SPAG16: variants seen among roughly 807,000 people sequenced by gnomAD.
SPAG16 encodes the protein sperm associated antigen 16.
A neutral mutation model predicts 80.4 loss-of-function variants in SPAG16; 86 were observed. The ratio of observed to expected loss-of-function variants is 1.07; its 90% CI spans 0.90 to 1.28. The LOEUF (loss-of-function observed/expected upper bound fraction) is 1.28, where lower values mean the gene tolerates loss of function less well. Among genes scored for constraint, SPAG16 ranks in the 50% most tolerant of loss-of-function variants. The pLI, the probability that SPAG16 is intolerant of heterozygous loss-of-function variation, is 0.00. For missense variants in SPAG16, 870 were observed against 765.3 expected, an observed-to-expected ratio of 1.14 and a Z score of -1.61; for synonymous variants, 294 against 265.9, an observed-to-expected ratio of 1.11 and a Z score of -1.03.
intron 15 of SPAG16, among the ~76,000 whole-genome samples, chr2:214,192,328 A>G (rs2057691644): frequency 6.6e-6 from 1 of 152,110 alleles, no homozygotes; most frequent in African/African-American, 2.4e-5. Flanking sequence ...CCTTAAGAAA[A>G]TAGTGCCTGT....
chr2:214,133,397 G>A (rs1025823279), intron 14 of SPAG16, among the ~76,000 whole-genome samples: 4 of 152,080 alleles, frequency 2.6e-5, no homozygotes, highest in African/African-American at 9.7e-5. Flanking sequence ...TGGGTGTGGT[G>A]GCTTACGCCT....
chr2:214,280,827 G>T, intron 15 of SPAG16: 1 of 446,328 alleles, frequency 2.2e-6, no homozygotes. Context: ...CATGTCTAGA[G>T]TTATGCCGTT....
intron 15 of SPAG16, among the ~76,000 whole-genome samples, chr2:214,175,196 AAT>A (rs201731862): frequency 5.0e-5 from 7 of 139,902 alleles, no homozygotes; most frequent in Non-Finnish European, 9.4e-5. Context: ...GGAATAAAGA[AAT>A]ATATATATAT....
chr2:213,601,212 A>G (rs1381458666), intron 10 of SPAG16, among the ~76,000 whole-genome samples: 1 of 151,768 alleles, frequency 6.6e-6, no homozygotes, highest in Non-Finnish European at 1.5e-5. Flanking sequence ...ATGAAAACTC[A>G]GGGAAGGGAC....
Position 214,101,162 on chromosome 2 carries a change from T to C in SPAG16, c.1528-7034T>C, listed in dbSNP as rs552146680. ...AGTATTACTTAATTTTTTTTTCAAA[T>C]TTTCACATGACACTATTGACACTAA... is the stretch of plus-strand genomic sequence containing the variant. On this transcript the variant is annotated intron_variant, in intron 13 of 15. Coordinates refer to ENST00000331683, the MANE Select transcript of SPAG16 (RefSeq NM_024532.5). Among the ~76,000 whole-genome samples, 4 of 152,216 alleles carry C rather than the reference T, an allele frequency of 2.6e-5. No individual in the cohort carries two copies. In the South Asian group the frequency reaches 6.2e-4, roughly 24 times the overall value.
intron 11 of SPAG16, among the ~76,000 whole-genome samples, chr2:213,872,361 A>T (rs1251857723): frequency 6.6e-6 from 1 of 152,150 alleles, no homozygotes; most frequent in Non-Finnish European, 1.5e-5. Context: ...AGTTTGTGGT[A>T]ATTTGTCACA....
At chr2:213,655,321 T>G (rs1307223395) in intron 10 of SPAG16, among the ~76,000 whole-genome samples, 1 of 152,196 alleles carries the variant, frequency 6.6e-6, no homozygotes, top group African/African-American at 2.4e-5. Context: ...AAAAAACTCT[T>G]TGAGCTGGAT....
chr2:213,851,198 A>G (rs2074887136), intron 10 of SPAG16, among the ~76,000 whole-genome samples: 1 of 152,204 alleles, frequency 6.6e-6, no homozygotes, highest in South Asian at 2.1e-4. Flanking sequence ...CGATGTTTAA[A>G]AAGATTTGGG....
intron 10 of SPAG16, among the ~76,000 whole-genome samples, chr2:213,518,309 C>T (rs1477036043): frequency 1.3e-5 from 2 of 152,202 alleles, no homozygotes; most frequent in Non-Finnish European, 2.9e-5. Context: ...CTCTGTTACC[C>T]ATGCTGGAGT....
chr2:214,168,439 A>G (rs990872967), intron 15 of SPAG16, among the ~76,000 whole-genome samples: 2 of 152,252 alleles, frequency 1.3e-5, no homozygotes, highest in African/African-American at 4.8e-5. Context: ...GTTTACACAG[A>G]GAAGCAGAAA....
At chr2:214,114,793 T>C (rs1202376527) in intron 14 of SPAG16, among the ~76,000 whole-genome samples, 1 of 152,140 alleles carries the variant, frequency 6.6e-6, no homozygotes, top group African/African-American at 2.4e-5. Context: ...CTGCTTCGGG[T>C]GGCCCTCTGT....
intron 6 of SPAG16, among the ~76,000 whole-genome samples, chr2:213,342,329 GTATATATATATTACATATATGTA>G (rs200846626): frequency 0.33 from 20,621 of 62,998 alleles, 2,212 homozygotes; most frequent in East Asian, 0.61. Flanking sequence ...ACATATATGT[GTATATATATATTACATATATGTA>G]TATATATATT....
At chr2:214,275,237 CA>C (rs570270595) in intron 15 of SPAG16, among the ~76,000 whole-genome samples, 54 of 152,026 alleles carry the variant, frequency 3.6e-4, no homozygotes, top group Non-Finnish European at 6.0e-4. Context: ...TTGATCTTTT[CA>C]AAAAACCAGC....
Position 213,422,212 on chromosome 2 carries a change from C to T in SPAG16, c.942+47093C>T, listed in dbSNP as rs1277331891. The stretch of plus-strand genomic sequence containing the variant: ...GAAGCTCCACGAGCCAGTGCTGTGA[C>T]ACCCTCTTTGGGGCTGTGCAGTTTC... On this transcript the variant is annotated intron_variant, in intron 9 of 15. Coordinates refer to ENST00000331683, the MANE Select transcript of SPAG16 (RefSeq NM_024532.5). 1.6e-5 allele frequency: 11 copies of T among 701,458 alleles called. No homozygotes were observed. The Admixed American group carries it at 2.2e-4, about 14-fold the overall frequency. The allele number at this position is 701,458 out of a possible 1,614,324, so 43.5% of individuals were successfully genotyped here.
At chr2:213,587,577 G>GA (rs1392131083) in intron 10 of SPAG16, among the ~76,000 whole-genome samples, 1 of 152,034 alleles carries the variant, frequency 6.6e-6, no homozygotes, top group Non-Finnish European at 1.5e-5. Context: ...AATAGCACCT[G>GA]ACTATTCATA....
chr2:214,241,501 T>C (rs1160022733), intron 15 of SPAG16: 2 of 152,236 alleles, frequency 1.3e-5, no homozygotes, highest in Non-Finnish European at 2.9e-5. Context: ...ATCTTTTGTG[T>C]TGTCATAACC....
rs1559108494 is a variant in SPAG16, at chr2:214,178,013, T to TG, written c.1720+28747_1720+28748insG. Among the ~76,000 whole-genome samples the TG allele has an allele frequency of 3.9e-4, 26 of 67,326 alleles. 1 individual carries two copies. Among genetic ancestry groups the TG allele is most frequent in the Non-Finnish European group, 7.2e-4 (23 of 31,814 alleles). The allele number at this position is 67,326 out of a possible 152,430, so 44.2% of individuals were successfully genotyped here. The stretch of plus-strand genomic sequence containing the variant: ...TATATATATATATATATATATATAT[T>TG]CATACTTTATTTGTACATATAAACT... On this transcript the variant is annotated intron_variant, in intron 15 of 15. Coordinates refer to ENST00000331683, the MANE Select transcript of SPAG16 (RefSeq NM_024532.5).
intron 11 of SPAG16, among the ~76,000 whole-genome samples, chr2:213,888,206 G>T (rs4672690): frequency 1.3e-5 from 2 of 151,410 alleles, no homozygotes; most frequent in African/African-American, 4.8e-5. Context: ...ATATGTTACT[G>T]TTTCATAATT....
intron 10 of SPAG16, among the ~76,000 whole-genome samples, chr2:213,614,997 TA>T (rs1677320241): frequency 6.6e-6 from 1 of 152,242 alleles, no homozygotes; most frequent in Non-Finnish European, 1.5e-5. Flanking sequence ...CATTAATTCT[TA>T]AAACAATCTC....
Sources: allele counts gnomAD v4.1 joint callset (sites outside exome capture counted in the v4.1 genomes callset), GRCh38; gene constraint gnomAD v4.1.1; transcripts MANE v1.5; gene names NCBI Gene and HGNC (gene_info 2026-07-23, HGNC 2026-07-21).